Variants in UNC50 observed in about 807,000 individuals in gnomAD.
UNC50 encodes the protein protein unc-50 homolog.
In UNC50, 24 loss-of-function variants were observed where a neutral mutation model predicts 31.5. That is an observed-to-expected ratio of 0.76 (90% CI 0.55 to 1.07). The LOEUF is 1.07. UNC50 is among the 50% of genes least tolerant of loss of function. The pLI is 0.00. For synonymous variants in UNC50, 118 were observed against 114.7 expected (o/e 1.03, Z -0.18); for missense variants, 245 against 304.2 (o/e 0.81, Z 1.45).
At chr2:98,609,441 G>A (rs1055320795) in intron 1 of UNC50, 13 of 420,734 alleles carry the variant, frequency 3.1e-5, no homozygotes, top group African/African-American at 7.9e-5. Context: ...TTCCAATCTT[G>A]GCTCTATCAC....
rs116396381 is a variant in UNC50 at position 98,616,497 on chromosome 2, G to A, written c.607G>A (p.Gly203Ser). The A allele has an allele frequency of 6.2e-7, 1 of 1,613,788 alleles. No individual in the cohort carries two copies. Among genetic ancestry groups the A allele is most frequent in the Non-Finnish European group, 8.5e-7 (1 of 1,179,930 alleles). ...VGNTLWLVAV[G>S]YYIYVTFLGY... is the part of the protein sequence containing the mutation. ...AAATACCTTATGGTTGGTTGCAGTT[G>A]GCTATTATATCTATGTAACTTTCCT... The change falls in exon 5 of 6, where the codon GGC becomes AGC. Residue 203 changes from glycine to serine, a missense_variant. By Grantham distance (56) the Gly-to-Ser change is moderately conservative. Coordinates refer to ENST00000357765, the MANE Select transcript of UNC50 (RefSeq NM_014044.7).
Position 98,608,744 on chromosome 2 carries a change from C to T in UNC50, c.-5+18C>T. On this transcript the variant is annotated intron_variant, in intron 1 of 5. Coordinates refer to ENST00000357765, the MANE Select transcript of UNC50 (RefSeq NM_014044.7). ...GACTCCAGGTGAGGCCTGAGGACCA[C>T]TCTGCCCTCCCGCGGCCCGGGCTCG... is the stretch of plus-strand genomic sequence containing the variant. The T allele has an allele frequency of 2.8e-6, 1 of 358,938 alleles. No homozygotes were observed. The highest frequency in any genetic ancestry group is 5.2e-6 in the Non-Finnish European group (1 of 193,590). 22.2% of individuals were successfully genotyped at this position (358,938 alleles called of 1,614,324 possible).
rs758686649 is a variant in UNC50 at position 98,618,294 on chromosome 2, G to T, written c.770G>T (p.Arg257Ile). 1.9e-6 allele frequency: 3 copies of T among 1,592,536 alleles called. No homozygotes were observed. The South Asian group carries it at 3.5e-5, about 18-fold the overall frequency. ...ACTCTCTGTTCTTTCTATAAGTACAGAGTGAAATAAAAAGTGAGAAGAAGA... is the reference window on the plus strand; with the variant it reads ...ACTCTCTGTTCTTTCTATAAGTACATAGTGAAATAAAAAGTGAGAAGAAGA... Reference protein sequence around the residue: ...THTLCSFYKYRVK With the variant: ...THTLCSFYKYIVK Residue 257 changes from arginine to isoleucine, a missense_variant, in exon 6 of 6, where the codon AGA becomes ATA. Arg to Ile is a moderately conservative substitution (Grantham distance 97). Transcript: ENST00000357765.
intron 5 of UNC50, among the ~76,000 whole-genome samples, chr2:98,617,860 A>G (rs1047254677): frequency 6.6e-6 from 1 of 152,296 alleles, no homozygotes; most frequent in East Asian, 1.9e-4. Context: ...CACTGTTTTC[A>G]TGAATATTTG....
In UNC50 at chr2:98,609,777, A is replaced by G. The variant is rs764765881; in HGVS notation, c.18A>G (p.Ser6=). Residue 6 remains serine, a synonymous_variant, in exon 2 of 6, where the codon TCA becomes TCG. Transcript: ENST00000357765. MLPST[S]VNSLVQGNGV... Reference sequence around the variant, plus strand: ...CTAGGAAGATGTTACCGAGTACTTCAGTGAATTCCTTAGTGCAGGGGAACG... The same window carrying G: ...CTAGGAAGATGTTACCGAGTACTTCGGTGAATTCCTTAGTGCAGGGGAACG... The G allele has an allele frequency of 1.2e-6, 2 of 1,614,170 alleles. No individual in the cohort carries two copies. Among genetic ancestry groups the G allele is most frequent in the African/African-American group, 1.3e-5 (1 of 74,964 alleles).
chr2:98,609,946 G>A lies in UNC50; in HGVS notation c.187G>A (p.Val63Ile), dbSNP rs746769467. The A allele has an allele frequency of 1.9e-6, 3 of 1,614,192 alleles. No individual in the cohort carries two copies. The East Asian group carries it at 6.7e-5, about 36-fold the overall frequency. Reference sequence around the variant, plus strand: ...CTACCTGTTCACATCCCCACAGAGAGTTTACAGAAATTTTCATTATCGAAA... The same window carrying A: ...CTACCTGTTCACATCCCCACAGAGAATTTACAGAAATTTTCATTATCGAAA... Reference protein sequence around the residue: ...MLYLFTSPQRVYRNFHYRKQT... With the variant: ...MLYLFTSPQRIYRNFHYRKQT... The change falls in exon 2 of 6, where the codon GTT becomes ATT. Residue 63 changes from valine to isoleucine, a missense_variant. By Grantham distance (29) the Val-to-Ile change is conservative. Coordinates refer to ENST00000357765, the MANE Select transcript of UNC50 (RefSeq NM_014044.7).
At chr2:98,617,423 A>ATT (rs2104190125) in intron 5 of UNC50, among the ~76,000 whole-genome samples, 1 of 152,222 alleles carries the variant, frequency 6.6e-6, no homozygotes, top group East Asian at 1.9e-4. Flanking sequence ...TGTTTGTGTC[A>ATT]TTTCTAATGA....
intron 2 of UNC50, 142 bp from the exon 3 acceptor site, chr2:98,610,633 A>C (rs1054548801): frequency 1.9e-6 from 2 of 1,070,446 alleles, no homozygotes; most frequent in Non-Finnish European, 2.7e-6. Flanking sequence ...CTGTGTCCCA[A>C]GGTAGTGTTC....
chr2:98,615,912 G>C (rs1389496689), intron 3 of UNC50, among the ~76,000 whole-genome samples: 2 of 152,096 alleles, frequency 1.3e-5, no homozygotes, highest in African/African-American at 4.8e-5. Context: ...GGCCTGCCAG[G>C]CACCATCACT....
intron 3 of UNC50, among the ~76,000 whole-genome samples, chr2:98,611,982 C>T (rs1700840165): frequency 7.0e-6 from 1 of 142,284 alleles, no homozygotes; most frequent in Non-Finnish European, 1.6e-5. Context: ...CCCCCGCCCC[C>T]CCACCGCCAC....
chr2:98,609,241 T>A (rs1700774619), intron 1 of UNC50: 1 of 159,392 alleles, frequency 6.3e-6, no homozygotes, highest in Non-Finnish European at 1.4e-5. Flanking sequence ...ACACTAGGGA[T>A]CGGAGTTTTT....
intron 3 of UNC50, among the ~76,000 whole-genome samples, chr2:98,611,891 A>G (rs1010964403): frequency 2.7e-4 from 40 of 149,288 alleles, no homozygotes; most frequent in Non-Finnish European, 4.6e-4. Context: ...AAAAAGAAGG[A>G]TTTTTTTTTT....
intron 3 of UNC50, among the ~76,000 whole-genome samples, chr2:98,613,538 A>C (rs1312147095): frequency 6.6e-6 from 1 of 152,184 alleles, no homozygotes; most frequent in Non-Finnish European, 1.5e-5. Context: ...CAAGTGGGGG[A>C]AATGCCAAAT....
intron 3 of UNC50, among the ~76,000 whole-genome samples, chr2:98,613,799 A>C (rs558806184): frequency 1.4e-4 from 22 of 152,366 alleles, no homozygotes. Flanking sequence ...TGTATTTTTG[A>C]GAACCTATGT....
rs756205105 is a variant in UNC50, at chr2:98,609,795, G to C, written c.36G>C (p.Gln12His). Residue 12 changes from glutamine (Q) to histidine (H), a missense_variant, in exon 2 of 6, where the codon CAG becomes CAC. Physicochemically the swap from Gln to His is conservative, Grantham distance 24. Coordinates refer to ENST00000357765, the MANE Select transcript of UNC50 (RefSeq NM_014044.7). ...LPSTSVNSLV[Q>H]GNGVLNSRDA... ...GTACTTCAGTGAATTCCTTAGTGCA[G>C]GGGAACGGAGTCTTGAATTCCAGGG... The C allele has an allele frequency of 3.7e-6, 6 of 1,614,232 alleles. No homozygotes were observed. The South Asian group carries it at 6.6e-5, about 18-fold the overall frequency.
In UNC50 at chr2:98,616,147, C is replaced by A. The variant is rs905829986; in HGVS notation, c.402-60C>A. The A allele has an allele frequency of 2.6e-6, 4 of 1,522,188 alleles. No homozygotes were observed. In the African/African-American group the frequency reaches 4.2e-5, roughly 16 times the overall value. 94.3% of individuals were successfully genotyped at this position (1,522,188 alleles called of 1,614,324 possible). On this transcript the variant is annotated intron_variant, in intron 3 of 5. Coordinates refer to ENST00000357765, the MANE Select transcript of UNC50 (RefSeq NM_014044.7). ...TTAGAATGTCTGCCGCATAGAAAGT[C>A]GTCAGTAAACATTTACAGAATTCAT...
Position 98,616,280 on chromosome 2 carries a change from G to A in UNC50, c.475G>A (p.Val159Met). 1 of 1,614,122 alleles carries A rather than the reference G, an allele frequency of 6.2e-7. No homozygotes were observed. The highest frequency in any genetic ancestry group is 1.6e-4 in the Middle Eastern group (1 of 6,062). The change falls in exon 4 of 6, where the codon GTG becomes ATG. Residue 159 changes from valine (V) to methionine (M), a missense_variant. Physicochemically the swap from Val to Met is conservative, Grantham distance 21. Transcript: ENST00000357765. ...YDVEWGYAFD[V>M]HLNAFYPLLV... ...TGTGGAATGGGGCTATGCTTTTGATGTGCATCTCAATGCTTTTTATCCACT... is the reference window on the plus strand; with the variant it reads ...TGTGGAATGGGGCTATGCTTTTGATATGCATCTCAATGCTTTTTATCCACT...
chr2:98,609,973 C>G lies in UNC50; in HGVS notation c.214C>G (p.Gln72Glu). The G allele has an allele frequency of 6.2e-7, 1 of 1,614,218 alleles. No individual in the cohort carries two copies. The highest frequency in any genetic ancestry group is 8.5e-7 in the Non-Finnish European group (1 of 1,180,032). ...RVYRNFHYRK[Q>E]TKDQWARDDP... is the part of the protein sequence containing the mutation. ...TTACAGAAATTTTCATTATCGAAAA[C>G]AGACGAAGGACCAGTGGGCCAGAGA... Residue 72 changes from glutamine (Q) to glutamate (E), a missense_variant, in exon 2 of 6, where the codon CAG becomes GAG. Transcript: ENST00000357765.
At chr2:98,613,070 T>C (rs142738143) in intron 3 of UNC50, among the ~76,000 whole-genome samples, 2,001 of 152,336 alleles carry the variant, frequency 0.013, 51 homozygotes, top group African/African-American at 0.045. Flanking sequence ...TGCAGTGTGG[T>C]AAAATGACAT....
Sources: gnomAD v4.1 joint callset for allele counts (sites outside exome capture counted in the v4.1 genomes callset) on GRCh38, gnomAD v4.1.1 for gene constraint, MANE v1.5 for transcripts, NCBI Gene and HGNC (gene_info 2026-07-23, HGNC 2026-07-21) for gene names.